PTPRM: variants seen among roughly 807,000 people sequenced by gnomAD.
The protein encoded by PTPRM is protein tyrosine phosphatase receptor type M, also known as receptor-type tyrosine-protein phosphatase mu.
PTPRM carries 47 observed loss-of-function variants against 186.7 expected under a neutral mutation model. The observed-to-expected ratio is 0.25, with a 90% CI of 0.20 to 0.32. The LOEUF (loss-of-function observed/expected upper bound fraction) is 0.32. PTPRM is among the 10% of genes least tolerant of loss of function. The probability of loss-of-function intolerance (pLI) is 1.00; values close to 1 mark genes in which losing one functional copy is unlikely to be tolerated. For missense variants in PTPRM, 1,494 were observed against 1,865.0 expected (o/e 0.80, Z 3.66); for synonymous variants, 668 against 674.9 (o/e 0.99, Z 0.16).
rs374669816 is a variant in PTPRM at position 8,378,414 on chromosome 18, G to C, written c.3612G>C (p.Arg1204=). 1 of 1,613,834 alleles carries C rather than the reference G, an allele frequency of 6.2e-7. No individual in the cohort carries two copies. Among genetic ancestry groups the C allele is most frequent in the African/African-American group, 1.3e-5 (1 of 74,898 alleles). ...TNSSQIKEEF[R]TLNMVTPTLR... ...CAAGCCAGATTAAAGAGGAATTCCG[G>C]GTAAGTGATGCCTAAGGGAGGGGCA... The change falls in exon 27 of 33, where the codon CGG becomes CGC. Residue 1204 remains arginine, a splice_region_variant and synonymous_variant. Coordinates refer to ENST00000580170, the MANE Select transcript of PTPRM (RefSeq NM_001105244.2).
At chr18:7,675,443 A>T (rs1205417043) in intron 1 of PTPRM, among the ~76,000 whole-genome samples, 1 of 152,180 alleles carries the variant, frequency 6.6e-6, no homozygotes, top group Admixed American at 6.5e-5. Context: ...ACTCACCAGG[A>T]GCCCACTGAG....
At chr18:7,773,570 G>GTTTTTTTTTTTTTTTTT (rs10708698) in intron 1 of PTPRM, among the ~76,000 whole-genome samples, 102 of 129,046 alleles carry the variant, frequency 7.9e-4, no homozygotes, top group Non-Finnish European at 1.4e-3. Flanking sequence ...TCTTTTCTTT[G>GTTTTTTTTTTTTTTTTT]TTTTTTTTTT....
In PTPRM at chr18:8,376,604, C is replaced by A; in HGVS notation, c.3462+7C>A. On this transcript the variant is annotated splice_region_variant and intron_variant, in intron 26 of 32. Coordinates refer to ENST00000580170, the MANE Select transcript of PTPRM (RefSeq NM_001105244.2). ...GAACATGGTGCAAACAGAGGTACTC[C>A]CGCTCATCACCTAGCCTGGGGCCTT... The A allele has an allele frequency of 6.2e-7, 1 of 1,608,796 alleles. No homozygotes were observed.
At chr18:7,852,889 A>G (rs1028858240) in intron 2 of PTPRM, among the ~76,000 whole-genome samples, 5 of 152,132 alleles carry the variant, frequency 3.3e-5, no homozygotes, top group African/African-American at 1.2e-4. Context: ...AAAATAAATA[A>G]TACATAGTTA....
At chr18:7,989,245 A>C (rs1484832125) in intron 7 of PTPRM, among the ~76,000 whole-genome samples, 1 of 152,024 alleles carries the variant, frequency 6.6e-6, no homozygotes, top group Non-Finnish European at 1.5e-5. Flanking sequence ...GGAAAAACTA[A>C]ATGACTTCTA....
At chr18:8,316,088 C>G (rs141074502) in intron 21 of PTPRM, among the ~76,000 whole-genome samples, 166 of 152,286 alleles carry the variant, frequency 1.1e-3, no homozygotes, top group African/African-American at 3.9e-3. Context: ...TCACAGTCTC[C>G]CAACTCAGAA....
chr18:8,084,430 C>G (rs2090325322), intron 9 of PTPRM, among the ~76,000 whole-genome samples: 1 of 152,062 alleles, frequency 6.6e-6, no homozygotes, highest in Admixed American at 6.5e-5. Context: ...CAGAGGAAGT[C>G]TGTTAGAGGA....
intron 1 of PTPRM, among the ~76,000 whole-genome samples, chr18:7,755,526 T>C (rs2041442611): frequency 6.6e-6 from 1 of 152,172 alleles, no homozygotes; most frequent in Non-Finnish European, 1.5e-5. Context: ...CTGACTGAAT[T>C]TGGGTCCGAA....
chr18:8,137,284 G>A (rs2092658993), intron 13 of PTPRM, among the ~76,000 whole-genome samples: 1 of 152,108 alleles, frequency 6.6e-6, no homozygotes, highest in Non-Finnish European at 1.5e-5. Context: ...TTTGCATGTG[G>A]TGTGAATGGG....
intron 2 of PTPRM, among the ~76,000 whole-genome samples, chr18:7,829,965 A>C (rs1273105606): frequency 2.6e-5 from 4 of 152,096 alleles, no homozygotes; most frequent in Admixed American, 6.6e-5. Flanking sequence ...TATTTAACAA[A>C]TATTGTCCTA....
At chr18:7,581,656 C>CTTTTTTTT (rs59375148) in intron 1 of PTPRM, among the ~76,000 whole-genome samples, 1 of 137,280 alleles carries the variant, frequency 7.3e-6, no homozygotes. Flanking sequence ...GTTTCATTTA[C>CTTTTTTTT]TTTTTTTTTT....
chr18:8,196,853 A>G (rs1483162060), intron 14 of PTPRM, among the ~76,000 whole-genome samples: 2 of 152,204 alleles, frequency 1.3e-5, no homozygotes, highest in African/African-American at 4.8e-5. Flanking sequence ...GCACTCAGAA[A>G]TTCAAAATTG....
intron 7 of PTPRM, among the ~76,000 whole-genome samples, chr18:7,968,362 G>T (rs981335447): frequency 6.8e-6 from 1 of 147,846 alleles, no homozygotes; most frequent in Admixed American, 6.7e-5. Context: ...ATGCCAAAAT[G>T]TAAAGACCAT....
intron 1 of PTPRM, among the ~76,000 whole-genome samples, chr18:7,686,526 T>A (rs1462511386): frequency 6.6e-6 from 1 of 151,328 alleles, no homozygotes; most frequent in East Asian, 1.9e-4. Context: ...TTGACTAGTG[T>A]ATAAGAAGGG....
At chr18:8,019,849 T>C (rs1036045719) in intron 7 of PTPRM, among the ~76,000 whole-genome samples, 2 of 149,074 alleles carry the variant, frequency 1.3e-5, no homozygotes, top group Non-Finnish European at 3.0e-5. Context: ...AATATATAAA[T>C]TTAACTTATT....
intron 19 of PTPRM, among the ~76,000 whole-genome samples, chr18:8,281,504 C>A (rs1036570091): frequency 1.3e-5 from 2 of 152,192 alleles, no homozygotes; most frequent in Admixed American, 1.3e-4. Context: ...TCTGAGCTCT[C>A]TCTAAGTGGC....
In PTPRM at chr18:7,772,244, T is replaced by TTTTTCTTTTCTTTTCTTTTCTTTTC. The variant is rs71165751; in HGVS notation, c.74-1886_74-1862dup. Among the ~76,000 whole-genome samples, 1,226 of 140,144 alleles carry TTTTTCTTTTCTTTTCTTTTCTTTTC rather than the reference T, an allele frequency of 8.7e-3. 36 individuals carry two copies. The highest frequency in any genetic ancestry group is 0.031 in the African/African-American group (1,121 of 36,564). The allele number at this position is 140,144 out of a possible 152,430, so 91.9% of individuals were successfully genotyped here. A position where few individuals can be genotyped will look rare whatever the true frequency, so the allele number is the denominator to read the frequency against. ...CTTTCCTGTGCAAAAGCTAAGATCT[T>TTTTTCTTTTCTTTTCTTTTCTTTTC]TTTTCTTTTCTTTTCTTTTCTTTTC... On this transcript the variant is annotated intron_variant, in intron 1 of 32. Transcript: ENST00000580170.
At chr18:7,603,028 C>T (rs938750979) in intron 1 of PTPRM, among the ~76,000 whole-genome samples, 37 of 151,536 alleles carry the variant, frequency 2.4e-4, no homozygotes, top group South Asian at 8.4e-4. Flanking sequence ...CCTGGGTTCA[C>T]GCCATTCTCC....
At chr18:8,104,743 C>G (rs1244790738) in intron 11 of PTPRM, among the ~76,000 whole-genome samples, 4 of 152,176 alleles carry the variant, frequency 2.6e-5, no homozygotes, top group African/African-American at 4.8e-5. Flanking sequence ...GTACCACACC[C>G]AGCCCTTGTT....
Sources: gnomAD v4.1 joint callset for allele counts (sites outside exome capture counted in the v4.1 genomes callset) on GRCh38, gnomAD v4.1.1 for gene constraint, MANE v1.5 for transcripts, NCBI Gene and HGNC (gene_info 2026-07-23, HGNC 2026-07-21) for gene names.